RBL1: variants seen among roughly 807,000 people sequenced by gnomAD.
RBL1 encodes the protein RB transcriptional corepressor like 1.
A neutral mutation model predicts 123.0 loss-of-function variants in RBL1; 82 were observed. The ratio of observed to expected loss-of-function variants is 0.67; its 90% CI spans 0.56 to 0.80. The LOEUF (loss-of-function observed/expected upper bound fraction) is 0.80, where lower values mean the gene tolerates loss of function less well. Ranked by LOEUF, RBL1 falls within the 30% of genes least tolerant of loss-of-function variation. The pLI is 0.00. For synonymous variants in RBL1, 405 were observed against 441.3 expected (o/e 0.92, Z 1.03); for missense variants, 1,171 against 1,299.6 (o/e 0.90, Z 1.52).
chr20:37,051,540 T>C (rs2064913541), intron 11 of RBL1, among the ~76,000 whole-genome samples: 2 of 152,106 alleles, frequency 1.3e-5, no homozygotes, highest in Non-Finnish European at 2.9e-5. Context: ...GAGTCTAAAA[T>C]AAAGTTACTT....
chr20:37,065,966 C>T (rs989529662), intron 6 of RBL1, among the ~76,000 whole-genome samples: 23 of 152,096 alleles, frequency 1.5e-4, no homozygotes, highest in African/African-American at 5.6e-4. Flanking sequence ...AGCATACAGA[C>T]AATGGGCCAT....
Position 37,088,990 on chromosome 20 carries a change from T to C in RBL1, c.289A>G (p.Ser97Gly). The change falls in exon 2 of 22, where the codon AGT (serine) becomes GGT (glycine). Residue 97 changes from serine to glycine, a missense_variant and splice_region_variant. By Grantham distance (56) the Ser-to-Gly change is moderately conservative. Coordinates refer to ENST00000373664, the MANE Select transcript of RBL1 (RefSeq NM_002895.5). The stretch of plus-strand genomic sequence containing the variant: ...TTTAAAAACATCAAAGAGGTTTACC[T>C]TAATTTAGCTGAACGTAGTATTCTG... ...LTRILRSAKL[S>G]LIQFFSKMKK... 6.3e-7 allele frequency: 1 copy of C among 1,580,160 alleles called. No homozygotes were observed. The highest frequency in any genetic ancestry group is 8.6e-7 in the Non-Finnish European group (1 of 1,162,150).
intron 2 of RBL1, among the ~76,000 whole-genome samples, chr20:37,080,283 A>G (rs2065427555): frequency 6.6e-6 from 1 of 151,596 alleles, no homozygotes; most frequent in Non-Finnish European, 1.5e-5. Flanking sequence ...TGGCCTCCCA[A>G]GTAGCTGGGA....
chr20:37,079,117 C>T (rs6031233), intron 2 of RBL1, among the ~76,000 whole-genome samples: 3,537 of 148,730 alleles, frequency 0.024, 140 homozygotes, highest in African/African-American at 0.083. Context: ...GGTGGGAGGA[C>T]TGAGCCCAGG....
intron 16 of RBL1, among the ~76,000 whole-genome samples, chr20:37,032,171 T>C (rs1321523882): frequency 6.6e-6 from 1 of 152,186 alleles, no homozygotes; most frequent in Non-Finnish European, 1.5e-5. Flanking sequence ...AAAAAAAGTA[T>C]ATTCATATGA....
chr20:37,093,586 C>G (rs1322563293), intron 1 of RBL1, among the ~76,000 whole-genome samples: 2 of 151,770 alleles, frequency 1.3e-5, no homozygotes, highest in African/African-American at 4.8e-5. Flanking sequence ...TTACAGTGAG[C>G]TATAATTGCA....
At chr20:37,053,268 T>G (rs999029268) in intron 11 of RBL1, among the ~76,000 whole-genome samples, 1 of 152,236 alleles carries the variant, frequency 6.6e-6, no homozygotes, top group African/African-American at 2.4e-5. Flanking sequence ...AACACCAGTT[T>G]GTTGTAACAA....
At chr20:37,083,944 TACC>T in intron 2 of RBL1, among the ~76,000 whole-genome samples, 1 of 151,304 alleles carries the variant, frequency 6.6e-6, no homozygotes. Flanking sequence ...GGTCTTGCTT[TACC>T]AGCCTGGCTG....
chr20:37,067,093 T>C lies in RBL1; in HGVS notation c.585A>G (p.Leu195=). The part of the protein sequence containing the change: ...KGNFRMIGDD[L]VNSYHLLLCC... ...ATAGAAGTAAATGATAAGAGTTTAC[T>C]AAGTCATCCCCAATCATCCGAAAAT... The change falls in exon 5 of 22, where the codon TTA becomes TTG. Residue 195 remains leucine, a synonymous_variant. Transcript: ENST00000373664. The C allele has an allele frequency of 6.3e-7, 1 of 1,595,578 alleles. No homozygotes were observed. The highest frequency in any genetic ancestry group is 8.5e-7 in the Non-Finnish European group (1 of 1,174,866).
intron 19 of RBL1, 25 bp from the exon 20 acceptor site, chr20:37,007,584 GATACAAAGC>G: frequency 6.2e-7 from 1 of 1,605,114 alleles, no homozygotes; most frequent in Non-Finnish European, 8.5e-7. Context: ...GCAATGTTGT[GATACAAAGC>G]ATACTTTTTA....
chr20:37,040,110 G>T (rs1388473195), intron 14 of RBL1, 43 bp downstream of exon 14: 2 of 1,602,304 alleles, frequency 1.2e-6, no homozygotes, highest in Non-Finnish European at 1.7e-6. Flanking sequence ...AAAGCCAAAT[G>T]CCCTTTGTTA....
chr20:37,062,645 CAAAAAAAA>C (rs60370479), intron 7 of RBL1, among the ~76,000 whole-genome samples: 2 of 40,110 alleles, frequency 5.0e-5, no homozygotes, highest in African/African-American at 2.0e-4. Context: ...GACTCTGTCT[CAAAAAAAA>C]AAAAAAAAAA....
At chr20:36,999,908 C>T (rs192687865) in intron 21 of RBL1, among the ~76,000 whole-genome samples, 12 of 152,096 alleles carry the variant, frequency 7.9e-5, no homozygotes, top group African/African-American at 1.2e-4. Flanking sequence ...TCTGCCCGGC[C>T]GCCACCCCGT....
At chr20:37,063,848 G>C (rs913380068) in intron 7 of RBL1, among the ~76,000 whole-genome samples, 3 of 148,508 alleles carry the variant, frequency 2.0e-5, no homozygotes, top group Admixed American at 1.3e-4. Context: ...TTGGAAATAG[G>C]GTCTCACTCC....
chr20:37,045,255 T>TG (rs1196083247), intron 12 of RBL1, among the ~76,000 whole-genome samples: 2 of 151,972 alleles, frequency 1.3e-5, no homozygotes, highest in Non-Finnish European at 2.9e-5. Flanking sequence ...TACAGGCACG[T>TG]GCCCCCATGC....
rs1463227707 is a variant in RBL1, at chr20:37,032,836, A to G, written c.2211T>C (p.Leu737=). The G allele has an allele frequency of 6.2e-7, 1 of 1,614,052 alleles. No homozygotes were observed. The change falls in exon 16 of 22, where the codon CTT becomes CTC. Residue 737 remains leucine, a synonymous_variant. Coordinates refer to ENST00000373664, the MANE Select transcript of RBL1 (RefSeq NM_002895.5). ...TGGACTCCTGATTTGTATTCATGGA[A>G]AGAGGTATCAGTGTGATCTCTCCAG... ...NDAGEITLIP[L]SMNTNQESKV... is the part of the protein sequence containing the mutation.
In RBL1 at chr20:37,065,481, C is replaced by G. The variant is rs6031106; in HGVS notation, c.847-8G>C. The G allele has an allele frequency of 2.5e-3, 3,913 of 1,581,124 alleles. 108 individuals are homozygous for G. In the African/African-American group the frequency reaches 0.048, roughly 19 times the overall value. ...GCATTCTCCTTTTAATATCTGTGAA[C>G]AAAAAATTATTTTGGGACACCATAT... On this transcript the variant is annotated splice_region_variant and splice_polypyrimidine_tract_variant and intron_variant, in intron 6 of 21. Transcript: ENST00000373664.
chr20:37,054,378 G>A (rs914671108), intron 11 of RBL1, among the ~76,000 whole-genome samples: 3 of 151,288 alleles, frequency 2.0e-5, no homozygotes, highest in Non-Finnish European at 4.4e-5. Flanking sequence ...CCAGCTAGTC[G>A]GGAGGCTGAG....
intron 11 of RBL1, among the ~76,000 whole-genome samples, chr20:37,053,358 T>C (rs2064950327): frequency 6.6e-6 from 1 of 152,190 alleles, no homozygotes; most frequent in Non-Finnish European, 1.5e-5. Flanking sequence ...TCTCTCTGGG[T>C]ACTCTGGTTT....
Sources: allele counts gnomAD v4.1 joint callset (sites outside exome capture counted in the v4.1 genomes callset), GRCh38; gene constraint gnomAD v4.1.1; transcripts MANE v1.5; gene names NCBI Gene and HGNC (gene_info 2026-07-23, HGNC 2026-07-21).